SNX8: variants seen among roughly 807,000 people sequenced by gnomAD.
SNX8 encodes sorting nexin 8, also known as sorting nexin-8.
SNX8 carries 25 observed loss-of-function variants against 51.6 expected under a neutral mutation model. That is an observed-to-expected ratio of 0.48 (90% CI 0.35 to 0.68). The LOEUF is 0.68. Ranked by LOEUF, SNX8 falls within the 30% of genes least tolerant of loss-of-function variation. The probability of loss-of-function intolerance (pLI) is 0.00; values close to 1 mark genes in which losing one functional copy is unlikely to be tolerated. For missense variants in SNX8, 695 were observed against 624.0 expected (o/e 1.11, Z -1.21); for synonymous variants, 324 against 277.0 (o/e 1.17, Z -1.68).
In SNX8 at chr7:2,332,840, CAGGG is replaced by C. The variant is rs1170790227; in HGVS notation, c.-66+21378_-66+21381del. Among the ~76,000 whole-genome samples, 8 of 125,888 alleles carry C rather than the reference CAGGG, an allele frequency of 6.4e-5. No homozygotes were observed. The East Asian group carries it at 1.6e-3, about 25-fold the overall frequency. The allele number at this position is 125,888 out of a possible 152,430, so 82.6% of individuals were successfully genotyped here. The stretch of plus-strand genomic sequence containing the variant: ...AGAGAAAGAAAGGAAGGAAGGAAGG[CAGGG>C]AGGGAGGGAAAAAGAGAGAGAGAGA... On this transcript the variant is annotated intron_variant, in intron 1 of 5. Coordinates refer to the SNX8 transcript ENST00000435336.
chr7:2,263,194 T>C lies in SNX8; in HGVS notation c.915+36A>G. 3 of 1,611,506 alleles carry C rather than the reference T, an allele frequency of 1.9e-6. No individual in the cohort carries two copies. In the African/African-American group the frequency reaches 4.0e-5, roughly 21 times the overall value. On this transcript the variant is annotated intron_variant, in intron 7 of 10. Transcript: ENST00000222990. ...CCCCATGCAAAGGCATAGCGTGTTC[T>C]CTGGAACAGGCGCCTGGGAGAACCG...
chr7:2,277,386 T>C (rs1302696328), intron 2 of SNX8, among the ~76,000 whole-genome samples: 1 of 152,170 alleles, frequency 6.6e-6, no homozygotes, highest in Non-Finnish European at 1.5e-5. Flanking sequence ...CATTCACTGT[T>C]TGGGGTCCGG....
chr7:2,305,583 C>T (rs1344716138), intron 1 of SNX8, among the ~76,000 whole-genome samples: 6 of 151,966 alleles, frequency 3.9e-5, no homozygotes, highest in Non-Finnish European at 5.9e-5. Context: ...ATGCTGGTCT[C>T]GAACTCCTGA....
chr7:2,348,338 CTTTTT>C (rs59761780), intron 1 of SNX8, among the ~76,000 whole-genome samples: 9 of 93,666 alleles, frequency 9.6e-5, no homozygotes, highest in East Asian at 3.3e-4. Flanking sequence ...TTCTTTCTTT[CTTTTT>C]TTTTTTTTTT....
intron 2 of SNX8, among the ~76,000 whole-genome samples, chr7:2,277,695 T>C (rs1347635312): frequency 2.0e-5 from 3 of 151,484 alleles, no homozygotes; most frequent in Admixed American, 6.6e-5. Context: ...TCATCCCAGC[T>C]ACTTGGGAGG....
At position 2,269,563 on chromosome 7, in the gene SNX8, G is replaced by A. The variant is rs535275863; in HGVS notation, c.617C>T (p.Ala206Val). Residue 206 changes from alanine to valine, a missense_variant, in exon 5 of 11, where the codon GCC (alanine) becomes GTC (valine). Transcript: ENST00000222990. ...AGAAAAAAAAAAGAAAAATACCTTG[G>A]CCCTGGTAGCCAGCTTACAGTTCAG... Reference protein sequence around the residue: ...EFLNCKLATRAKDFLPADIQA... With the variant: ...EFLNCKLATRVKDFLPADIQA... 3.4e-5 allele frequency: 52 copies of A among 1,542,206 alleles called. No individual in the cohort carries two copies. Among genetic ancestry groups the A allele is most frequent in the African/African-American group, 1.4e-4 (10 of 71,904 alleles).
chr7:2,264,940 C>T (rs1466237373), intron 5 of SNX8, among the ~76,000 whole-genome samples: 1 of 152,162 alleles, frequency 6.6e-6, no homozygotes, highest in Non-Finnish European at 1.5e-5. Context: ...GAGGCTGAGA[C>T]AGGAGAATTG....
At chr7:2,290,856 C>CG (rs1490517132) in intron 1 of SNX8, among the ~76,000 whole-genome samples, 1 of 152,210 alleles carries the variant, frequency 6.6e-6, no homozygotes, top group African/African-American at 2.4e-5. Context: ...CAATTCTCAG[C>CG]TACAACCTTT....
intron 1 of SNX8, among the ~76,000 whole-genome samples, chr7:2,280,636 T>C (rs755894356): frequency 9.9e-5 from 15 of 152,210 alleles, no homozygotes; most frequent in Non-Finnish European, 1.9e-4. Context: ...TGAACTTTGA[T>C]TGCATGAGAA....
At chr7:2,257,097 GC>G (rs1266154239) in intron 9 of SNX8, 74 bp from the exon 10 acceptor site, 1 of 1,476,004 alleles carries the variant, frequency 6.8e-7, no homozygotes, top group Non-Finnish European at 9.0e-7. Flanking sequence ...ACACCAGCGT[GC>G]TCCCTGAGCC....
intron 1 of SNX8, among the ~76,000 whole-genome samples, chr7:2,332,899 GAA>G (rs1365770015): frequency 6.6e-6 from 1 of 151,134 alleles, no homozygotes; most frequent in African/African-American, 2.4e-5. Flanking sequence ...AGAAAAGAAA[GAA>G]AGAAAAAAGG....
chr7:2,263,477 C>A (rs1795387581), intron 6 of SNX8, 115 bp from the exon 7 acceptor site: 2 of 1,021,348 alleles, frequency 2.0e-6, no homozygotes, highest in Non-Finnish European at 2.8e-6. Flanking sequence ...TGACCCCGTC[C>A]TAGGACCCTG....
chr7:2,314,782 C>A (rs2115215781), upstream of SNX8, among the ~76,000 whole-genome samples: 1 of 152,356 alleles, frequency 6.6e-6, no homozygotes, highest in Admixed American at 6.5e-5. Flanking sequence ...CCCTTGTTCG[C>A]TCATTCACCG....
intron 1 of SNX8, among the ~76,000 whole-genome samples, chr7:2,346,049 C>A (rs1303650630): frequency 2.0e-5 from 3 of 152,164 alleles, no homozygotes; most frequent in African/African-American, 7.2e-5. Context: ...CTCAAGTGAT[C>A]TGCCTGCTCA....
At position 2,257,036 on chromosome 7, in the gene SNX8, C is replaced by A. The variant is rs773472042; in HGVS notation, c.1135-13G>T. On this transcript the variant is annotated splice_polypyrimidine_tract_variant and intron_variant, in intron 9 of 10. Transcript: ENST00000222990. ...TCGCGTTCTCCTGCTGCGGAGCAAA[C>A]AGCCGCCTTTCGCACCCGGCCCAGC... The A allele has an allele frequency of 1.1e-5, 18 of 1,590,918 alleles. 1 individual carries two copies. In the Admixed American group the frequency reaches 2.4e-4, roughly 21 times the overall value.
At chr7:2,311,787 A>T (rs1796662372) in intron 1 of SNX8, among the ~76,000 whole-genome samples, 1 of 151,910 alleles carries the variant, frequency 6.6e-6, no homozygotes, top group Admixed American at 6.6e-5. Flanking sequence ...AATACAAAAA[A>T]TTAGCCGGGC....
chr7:2,265,871 G>C (rs1669990628), intron 5 of SNX8, among the ~76,000 whole-genome samples: 1 of 152,002 alleles, frequency 6.6e-6, no homozygotes, highest in Non-Finnish European at 1.5e-5. Flanking sequence ...CAGTACTTTG[G>C]GGGGCCATGC....
rs117064592 is a variant in SNX8 at position 2,254,766 on chromosome 7, A to G, written c.*290T>C. On this transcript the variant is annotated 3_prime_UTR_variant, in exon 11 of 11. Coordinates refer to ENST00000222990, the MANE Select transcript of SNX8 (RefSeq NM_013321.4). ...AGGCACAATCTCTGTGAGATGAGAGATCCCTGCCTCCCCGCACAGCTCTGG... is the reference window on the plus strand; with the variant it reads ...AGGCACAATCTCTGTGAGATGAGAGGTCCCTGCCTCCCCGCACAGCTCTGG... 25,484 of 468,178 alleles carry G rather than the reference A, an allele frequency of 0.054. 955 individuals are homozygous for G. Among genetic ancestry groups the G allele is most frequent in the South Asian group, 0.07 (2,943 of 42,298 alleles). The allele number at this position is 468,178 out of a possible 1,614,324, so 29.0% of individuals were successfully genotyped here. A position where few individuals can be genotyped will look rare whatever the true frequency, so the allele number is the denominator to read the frequency against.
upstream of SNX8, chr7:2,314,448 C>A: frequency 8.3e-7 from 1 of 1,205,670 alleles, no homozygotes; most frequent in Non-Finnish European, 1.0e-6. Context: ...ACGTGACTTC[C>A]TCCCGCGCCA....
Sources: gnomAD v4.1 joint callset for allele counts (sites outside exome capture counted in the v4.1 genomes callset) on GRCh38, gnomAD v4.1.1 for gene constraint, MANE v1.5 for transcripts, NCBI Gene and HGNC (gene_info 2026-07-23, HGNC 2026-07-21) for gene names.